Variants in GALNT13 observed in about 807,000 individuals in gnomAD.
GALNT13 encodes polypeptide N-acetylgalactosaminyltransferase 13, also known as UDP-GalNAc:polypeptide N-acetylgalactosaminyltransferase 13.
In GALNT13, 28 loss-of-function variants were observed where a neutral mutation model predicts 64.2. The ratio of observed to expected loss-of-function variants is 0.44; its 90% CI spans 0.32 to 0.60. GALNT13 has a LOEUF of 0.60. Ranked by LOEUF, GALNT13 falls within the 20% of genes least tolerant of loss-of-function variation. The probability of loss-of-function intolerance (pLI) is 0.05; values close to 1 mark genes in which losing one functional copy is unlikely to be tolerated. For synonymous variants in GALNT13, 214 were observed against 224.6 expected (o/e 0.95, Z 0.42); for missense variants, 577 against 669.8 (o/e 0.86, Z 1.53).
chr2:154,374,308 G>C (rs1355230531), intron 9 of GALNT13, among the ~76,000 whole-genome samples: 1 of 152,134 alleles, frequency 6.6e-6, no homozygotes, highest in Non-Finnish European at 1.5e-5. Flanking sequence ...GAGAAGTTGT[G>C]GTAGTTGTTG....
the GALNT13 span, among the ~76,000 whole-genome samples, chr2:153,076,984 C>T: frequency 6.6e-5 from 10 of 151,556 alleles, no homozygotes; most frequent in Admixed American, 1.3e-4. Flanking sequence ...CAGAGTCTTG[C>T]TCTTTTGCCC....
At chr2:153,128,379 T>C in the GALNT13 span, among the ~76,000 whole-genome samples, 1 of 151,742 alleles carries the variant, frequency 6.6e-6, no homozygotes, top group Non-Finnish European at 1.5e-5. Context: ...ACTCTGGTTT[T>C]TTAAAACCAT....
chr2:154,070,993 T>C (rs9288309), intron 3 of GALNT13, among the ~76,000 whole-genome samples: 115,036 of 151,970 alleles, frequency 0.76, 43,923 homozygotes, highest in East Asian at 0.96. Context: ...AAAATACTTA[T>C]GGATGGTTTA....
the GALNT13 span, among the ~76,000 whole-genome samples, chr2:153,152,182 A>C: frequency 3.3e-5 from 5 of 151,948 alleles, no homozygotes; most frequent in African/African-American, 1.2e-4. Context: ...ATTAGAAATG[A>C]CTTTTGATAT....
At chr2:153,204,624 A>G in the GALNT13 span, among the ~76,000 whole-genome samples, 1 of 152,154 alleles carries the variant, frequency 6.6e-6, no homozygotes, top group South Asian at 2.1e-4. Context: ...TCCAAATTGC[A>G]TTGTCTCCCA....
intron 9 of GALNT13, among the ~76,000 whole-genome samples, chr2:154,319,431 C>T (rs1040166490): frequency 4.6e-5 from 7 of 151,862 alleles, no homozygotes; most frequent in Non-Finnish European, 7.4e-5. Flanking sequence ...TTTGGGAGGC[C>T]GAGGTGGGTG....
At chr2:153,111,554 T>C in the GALNT13 span, among the ~76,000 whole-genome samples, 2 of 152,188 alleles carry the variant, frequency 1.3e-5, no homozygotes, top group South Asian at 4.1e-4. Context: ...AATGTAATTT[T>C]AAAGCAACAT....
At chr2:154,331,481 T>TAA (rs994886045) in intron 9 of GALNT13, among the ~76,000 whole-genome samples, 2 of 151,608 alleles carry the variant, frequency 1.3e-5, no homozygotes, top group Non-Finnish European at 2.9e-5. Context: ...TTTTTTTTTT[T>TAA]AAAATGTAGA....
At chr2:154,118,642 C>T (rs1681751689) in intron 3 of GALNT13, among the ~76,000 whole-genome samples, 1 of 151,442 alleles carries the variant, frequency 6.6e-6, no homozygotes, top group African/African-American at 2.4e-5. Flanking sequence ...GTGGTTCATG[C>T]TTTAAATCAT....
At chr2:153,193,573 G>T in the GALNT13 span, among the ~76,000 whole-genome samples, 5 of 151,740 alleles carry the variant, frequency 3.3e-5, no homozygotes, top group South Asian at 1.0e-3. Context: ...ATGTGCACAT[G>T]TACCCTAAAA....
chr2:153,895,532 A>G (rs1687830303), intron 1 of GALNT13, among the ~76,000 whole-genome samples: 1 of 152,156 alleles, frequency 6.6e-6, no homozygotes, highest in South Asian at 2.1e-4. Context: ...TAGAATACCT[A>G]GAGTGCATAC....
At chr2:153,199,042 G>A in the GALNT13 span, among the ~76,000 whole-genome samples, 1 of 152,130 alleles carries the variant, frequency 6.6e-6, no homozygotes, top group Non-Finnish European at 1.5e-5. Flanking sequence ...CCCTTTTGGG[G>A]TACTCTCAGA....
the GALNT13 span, among the ~76,000 whole-genome samples, chr2:153,103,242 C>T: frequency 1.3e-5 from 2 of 152,146 alleles, no homozygotes; most frequent in Non-Finnish European, 2.9e-5. Context: ...TGTGCTGCAT[C>T]TTGTTCACTG....
At chr2:153,178,979 G>A in the GALNT13 span, among the ~76,000 whole-genome samples, 6,290 of 151,878 alleles carry the variant, frequency 0.041, 419 homozygotes, top group African/African-American at 0.14. Context: ...CTGACCTCAG[G>A]TGATCCATGC....
chr2:154,360,157 G>T (rs1696982877), intron 9 of GALNT13, among the ~76,000 whole-genome samples: 1 of 152,022 alleles, frequency 6.6e-6, no homozygotes, highest in East Asian at 1.9e-4. Context: ...TTGATTGTTT[G>T]TAAATATTCA....
At chr2:153,329,221 G>A in the GALNT13 span, among the ~76,000 whole-genome samples, 2 of 152,134 alleles carry the variant, frequency 1.3e-5, no homozygotes, top group African/African-American at 4.8e-5. Context: ...GTCTTGCTGG[G>A]AGCTGCAGAC....
chr2:153,274,556 C>T, the GALNT13 span, among the ~76,000 whole-genome samples: 1 of 152,152 alleles, frequency 6.6e-6, no homozygotes, highest in Non-Finnish European at 1.5e-5. Context: ...TACCTGAAGG[C>T]AGTTGACACT....
intron 3 of GALNT13, among the ~76,000 whole-genome samples, chr2:154,071,844 T>C (rs1249343454): frequency 1.3e-5 from 2 of 152,092 alleles, no homozygotes; most frequent in East Asian, 1.9e-4. Flanking sequence ...ACTTTTAAGA[T>C]GGTCTAACCA....
At chr2:153,840,556 C>T in the GALNT13 span, among the ~76,000 whole-genome samples, 2 of 152,050 alleles carry the variant, frequency 1.3e-5, no homozygotes, top group African/African-American at 4.8e-5. Context: ...CTGTGTGCAT[C>T]AGGGTCCTGG....
Sources: allele counts gnomAD v4.1 joint callset (sites outside exome capture counted in the v4.1 genomes callset), GRCh38; gene constraint gnomAD v4.1.1; transcripts MANE v1.5; gene names NCBI Gene and HGNC (gene_info 2026-07-23, HGNC 2026-07-21).